The following PLCB2 variants were observed in gnomAD, a reference collection of about 807,000 sequenced individuals.
PLCB2 encodes the protein 1-phosphatidylinositol 4,5-bisphosphate phosphodiesterase beta-2.
A neutral mutation model predicts 141.7 loss-of-function variants in PLCB2; 115 were observed. That is an observed-to-expected ratio of 0.81 (90% CI 0.70 to 0.95). The LOEUF is 0.95. PLCB2 is among the 40% of genes least tolerant of loss of function. The pLI is 0.00. For synonymous variants in PLCB2, 603 were observed against 595.6 expected, an observed-to-expected ratio of 1.01 and a Z score of -0.18; for missense variants, 1,403 against 1,541.1, an observed-to-expected ratio of 0.91 and a Z score of 1.50.
Position 40,292,411 on chromosome 15 carries a change from TG to T in PLCB2, c.2358del (p.Ser786ArgfsTer16). 6.2e-7 allele frequency: 1 copy of T among 1,613,846 alleles called. No homozygotes were observed. The highest frequency in any genetic ancestry group is 8.5e-7 in the Non-Finnish European group (1 of 1,179,858). On this transcript the variant is annotated frameshift_variant, in exon 22 of 32. Coordinates refer to ENST00000260402, the MANE Select transcript of PLCB2 (RefSeq NM_004573.3). LOFTEE classifies it high-confidence loss of function. ...AGCGCAGGCATGGTGAGGGGCATGT[TG>T]CTCTCACTGTGCAGGCACAGGTGGT... ...GYHHLCLHSE[S>X]NMPLTMPALF...
At chr15:40,286,431 G>A (rs1307705448), downstream of PLCB2, among the ~76,000 whole-genome samples, 3 of 152,350 alleles carry the variant, frequency 2.0e-5, no homozygotes, top group East Asian at 5.8e-4. Context: ...GCTTGGCAGG[G>A]TTGGGCCTGG....
Position 40,307,722 on chromosome 15 carries a change from A to G in PLCB2, c.-50T>C, listed in dbSNP as rs1364283756. On this transcript the variant is annotated 5_prime_UTR_variant, in exon 1 of 32. Coordinates refer to ENST00000260402, the MANE Select transcript of PLCB2 (RefSeq NM_004573.3). Reference sequence around the variant, plus strand: ...AATCTCAGCAGACACAGGCAGGCAGAAGGGCAGGAAGGAGGCCAGCCAGGA... The same window carrying G: ...AATCTCAGCAGACACAGGCAGGCAGGAGGGCAGGAAGGAGGCCAGCCAGGA... 2.7e-6 allele frequency: 4 copies of G among 1,486,332 alleles called. No individual in the cohort carries two copies. In the Admixed American group the frequency reaches 6.4e-5, roughly 24 times the overall value. 92.1% of individuals were successfully genotyped at this position (1,486,332 alleles called of 1,614,324 possible).
rs2040351529 is a variant in PLCB2, at chr15:40,298,564, G to A, written c.995C>T (p.Thr332Ile). The stretch of plus-strand genomic sequence containing the variant: ...GCACCAATGTTATCAGGGCCCACCT[G>A]TCAGGTAGGTGTTGTGGGACGAGTT... ...FINSSHNTYL[T>I]AGQFSGLSSA... The change falls in exon 10 of 32, where the codon ACA (threonine) becomes ATA (isoleucine). Residue 332 changes from threonine (T) to isoleucine (I), a missense_variant and splice_region_variant. Transcript: ENST00000260402. 1.9e-6 allele frequency: 3 copies of A among 1,614,124 alleles called. No individual in the cohort carries two copies. The highest frequency in any genetic ancestry group is 1.7e-5 in the Admixed American group (1 of 60,016).
downstream of PLCB2, among the ~76,000 whole-genome samples, chr15:40,287,032 G>A (rs968851831): frequency 2.0e-5 from 3 of 152,326 alleles, no homozygotes; most frequent in South Asian, 2.1e-4. Context: ...TCTGGCTTAC[G>A]TGCACATGCC....
chr15:40,284,318 T>TAAGA (rs2039578792), downstream of PLCB2: 1 of 329,106 alleles, frequency 3.0e-6, no homozygotes, highest in Non-Finnish European at 6.0e-6. Context: ...CGGCAGCGGG[T>TAAGA]AAGAGAGAGA....
At chr15:40,302,408 C>A in intron 4 of PLCB2, 59 bp from the exon 5 acceptor site, 1 of 1,612,368 alleles carries the variant, frequency 6.2e-7, no homozygotes, top group South Asian at 1.1e-5. Context: ...AGGCCTGTGT[C>A]TCTCAGGAAG....
rs746325840 is a variant in PLCB2, at chr15:40,293,024, A to G, written c.2228T>C (p.Ile743Thr). Residue 743 changes from isoleucine to threonine, a missense_variant and splice_region_variant, in exon 21 of 32, where the codon ATC becomes ACC. Physicochemically the swap from Ile to Thr is moderately conservative, Grantham distance 89. Transcript: ENST00000260402. ...GAGGGAGGCCAGCTCAGGCATCAAG[A>G]TCTGGGGAGAGTTGGGGACATGACA... ...WKEEPFVFEK[I>T]LMPELASLRV... The G allele has an allele frequency of 6.3e-6, 10 of 1,591,412 alleles. No individual in the cohort carries two copies. The highest frequency in any genetic ancestry group is 1.7e-4 in the Middle Eastern group (1 of 5,976).
chr15:40,297,513 C>T lies in PLCB2; in HGVS notation c.1323+8G>A. On this transcript the variant is annotated splice_region_variant and intron_variant, in intron 13 of 31. Coordinates refer to ENST00000260402, the MANE Select transcript of PLCB2 (RefSeq NM_004573.3). This position sits in a 1 kb window ranked among gnomAD's most constrained non-coding sequence, Gnocchi z 4.2. The stretch of plus-strand genomic sequence containing the variant: ...AGGCTCAAATGTCCCACAGCGAAGC[C>T]CACTCACTGGGAACTTTTCCAGGGG... 1.2e-6 allele frequency: 2 copies of T among 1,608,340 alleles called. No homozygotes were observed. Among genetic ancestry groups the T allele is most frequent in the Non-Finnish European group, 1.7e-6 (2 of 1,174,714 alleles).
In PLCB2 at chr15:40,292,954, G is replaced by A. The variant is rs763005904; in HGVS notation, c.2298C>T (p.Arg766=). Reference sequence around the variant, plus strand: ...AATTTAGGGCATTGATGGGGATGATGCGGTGTCCAAGAAACTTGTTGCCTT... The same window carrying A: ...AATTTAGGGCATTGATGGGGATGATACGGTGTCCAAGAAACTTGTTGCCTT... ...MEEGNKFLGH[R]IIPINALNSG... Residue 766 remains arginine (R), a synonymous_variant, in exon 21 of 32, where the codon CGC becomes CGT. Coordinates refer to ENST00000260402, the MANE Select transcript of PLCB2 (RefSeq NM_004573.3). The A allele has an allele frequency of 7.5e-6, 12 of 1,607,078 alleles. 1 individual carries two copies. In the Admixed American group the frequency reaches 8.4e-5, roughly 11 times the overall value.
chr15:40,288,826 G>A lies in PLCB2; in HGVS notation c.3447C>T (p.Cys1149=), dbSNP rs927832698. 2 of 1,614,086 alleles carry A rather than the reference G, an allele frequency of 1.2e-6. No individual in the cohort carries two copies. Among genetic ancestry groups the A allele is most frequent in the East Asian group, 4.5e-5 (2 of 44,884 alleles). ...GCTTGTCCTTGGCCTCGGAGGGAAA[G>A]CAGGTCCTGAGGCAGGCCCTCACCG... ...KESVRACLRT[C]FPSEAKDKPE... Residue 1149 remains cysteine (C), a synonymous_variant, in exon 32 of 32, where the codon TGC becomes TGT. Coordinates refer to ENST00000260402, the MANE Select transcript of PLCB2 (RefSeq NM_004573.3).
At chr15:40,302,244 G>A in intron 5 of PLCB2, 26 bp downstream of exon 5, 13 of 1,614,084 alleles carry the variant, frequency 8.1e-6, no homozygotes, top group Non-Finnish European at 1.0e-5. Context: ...CAGCACCAGG[G>A]CTCAGGCCAG....
chr15:40,293,470 G>A lies in PLCB2; in HGVS notation c.2226+90C>T. Reference sequence around the variant, plus strand: ...GGGATGGGAAGAGGAGGAGGAGGAAGGTCAAGGAGCTGCCTTGTTTACTTC... The same window carrying A: ...GGGATGGGAAGAGGAGGAGGAGGAAAGTCAAGGAGCTGCCTTGTTTACTTC... On this transcript the variant is annotated intron_variant, in intron 20 of 31. Coordinates refer to ENST00000260402, the MANE Select transcript of PLCB2 (RefSeq NM_004573.3). 3 of 1,300,350 alleles carry A rather than the reference G, an allele frequency of 2.3e-6. No homozygotes were observed. The South Asian group carries it at 4.0e-5, about 17-fold the overall frequency. 80.6% of individuals were successfully genotyped at this position (1,300,350 alleles called of 1,614,324 possible).
chr15:40,293,459 A>G, intron 20 of PLCB2, 101 bp downstream of exon 20: 1 of 1,146,884 alleles, frequency 8.7e-7, no homozygotes, highest in Non-Finnish European at 1.3e-6. Context: ...TGGGAAGAGG[A>G]GGAGGAGGAA....
chr15:40,296,208 TG>T, intron 16 of PLCB2, 87 bp downstream of exon 16: 1 of 1,016,238 alleles, frequency 9.8e-7, no homozygotes, highest in Non-Finnish European at 1.5e-6. Flanking sequence ...ACTCCGTGGC[TG>T]GATATTTATA....
chr15:40,304,568 C>G (rs548642577), intron 1 of PLCB2, among the ~76,000 whole-genome samples: 3 of 152,148 alleles, frequency 2.0e-5, no homozygotes, highest in Non-Finnish European at 4.4e-5. Context: ...CAAATCTCCT[C>G]TGCTTGAAAT....
At chr15:40,303,759 CTG>C in intron 2 of PLCB2, 1 of 525,588 alleles carries the variant, frequency 1.9e-6, no homozygotes, top group Middle Eastern at 5.1e-4. Flanking sequence ...GTGCTTTCGC[CTG>C]TCTCTCTCTC....
In PLCB2 at chr15:40,291,670, GGCTGT is replaced by G; in HGVS notation, c.2603-25_2603-21del. On this transcript the variant is annotated intron_variant, in intron 24 of 31. Coordinates refer to ENST00000260402, the MANE Select transcript of PLCB2 (RefSeq NM_004573.3). ...TGGCTGCTGCAAGAGCCACGGGCTGGGCTGTCAGGTGCTCTGGGGGGCCCCTTGGC... is the reference window on the plus strand; with the variant it reads ...TGGCTGCTGCAAGAGCCACGGGCTGGCAGGTGCTCTGGGGGGCCCCTTGGC... 1 of 1,612,022 alleles carries G rather than the reference GGCTGT, an allele frequency of 6.2e-7. No individual in the cohort carries two copies. Among genetic ancestry groups the G allele is most frequent in the Non-Finnish European group, 8.5e-7 (1 of 1,179,412 alleles).
At chr15:40,292,305 A>G (rs2141060983) in intron 22 of PLCB2, 34 bp downstream of exon 22, 1 of 1,546,816 alleles carries the variant, frequency 6.5e-7, no homozygotes, top group Non-Finnish European at 8.9e-7. Flanking sequence ...GGGAACAGAC[A>G]CCCCGAGGCT....
intron 7 of PLCB2, chr15:40,301,577 C>T (rs777575668): frequency 3.0e-5 from 21 of 703,050 alleles, no homozygotes; most frequent in Middle Eastern, 4.6e-4. Flanking sequence ...AGACTGCCGC[C>T]TGCCACTGCC....
Sources: allele counts gnomAD v4.1 joint callset (sites outside exome capture counted in the v4.1 genomes callset), GRCh38; gene constraint gnomAD v4.1.1; non-coding constraint Gnocchi (gnomAD v3.1); transcripts MANE v1.5; gene names NCBI Gene and HGNC (gene_info 2026-07-23, HGNC 2026-07-21).